PKNOX2: variants seen among roughly 807,000 people sequenced by gnomAD.
PKNOX2 encodes homeobox protein PKNOX2.
A neutral mutation model predicts 53.1 loss-of-function variants in PKNOX2; 14 were observed. The observed-to-expected ratio is 0.26, with a 90% CI of 0.17 to 0.41. The LOEUF (loss-of-function observed/expected upper bound fraction) is 0.41, where lower values mean the gene tolerates loss of function less well. Among genes scored for constraint, PKNOX2 ranks in the 10% least tolerant of loss-of-function variants. The pLI, the probability that PKNOX2 is intolerant of heterozygous loss-of-function variation, is 1.00. For synonymous variants in PKNOX2, 257 were observed against 242.8 expected (o/e 1.06, Z -0.54); for missense variants, 496 against 602.8 (o/e 0.82, Z 1.85).
intron 2 of PKNOX2, among the ~76,000 whole-genome samples, chr11:125,255,452 C>CT (rs1389617801): frequency 6.6e-6 from 1 of 152,178 alleles, no homozygotes; most frequent in Admixed American, 6.5e-5. Flanking sequence ...TTGACCCTGG[C>CT]TCTTATGGGA....
rs1470796291 is a variant in PKNOX2, at chr11:125,419,884, A to T, written c.936+8019A>T. 1.0e-3 allele frequency among the ~76,000 whole-genome samples: 127 copies of T among 122,858 alleles called. 4 individuals carry two copies. Among genetic ancestry groups the T allele is most frequent in the African/African-American group, 3.7e-3 (111 of 30,356 alleles). The allele number at this position is 122,858 out of a possible 152,430, so 80.6% of individuals were successfully genotyped here. ...CATCTGTTTAAAAAAAGAAAAAATT[A>T]AAAAAAAAAAAAAAAAGGCCGAGTG... On this transcript the variant is annotated intron_variant, in intron 10 of 12. Coordinates refer to ENST00000298282, the MANE Select transcript of PKNOX2 (RefSeq NM_001382323.2).
chr11:125,258,209 C>T (rs1944560932), intron 2 of PKNOX2, among the ~76,000 whole-genome samples: 1 of 152,156 alleles, frequency 6.6e-6, no homozygotes, highest in Non-Finnish European at 1.5e-5. Context: ...CTTCCTGTCA[C>T]CCTGTCCCCT....
chr11:125,291,410 T>A (rs1001069582), intron 2 of PKNOX2, among the ~76,000 whole-genome samples: 1 of 152,066 alleles, frequency 6.6e-6, no homozygotes, highest in Admixed American at 6.5e-5. Flanking sequence ...CTATGTGAGC[T>A]CCCAGGACCA....
At chr11:125,277,043 GA>G (rs1289985249) in intron 2 of PKNOX2, among the ~76,000 whole-genome samples, 1 of 152,114 alleles carries the variant, frequency 6.6e-6, no homozygotes, top group East Asian at 1.9e-4. Context: ...AACGGATCAT[GA>G]AAAAAATGTT....
Position 125,431,699 on chromosome 11 carries a change from AC to A in PKNOX2, c.*310del. ...CACCAAATCCCTGAGGATAGATGGC[AC>A]CCATGGCCCCCACCCACGGAAGGAC... is the stretch of plus-strand genomic sequence containing the variant. On this transcript the variant is annotated 3_prime_UTR_variant, in exon 13 of 13. Transcript: ENST00000298282. 1 of 375,208 alleles carries A rather than the reference AC, an allele frequency of 2.7e-6. No homozygotes were observed. Among genetic ancestry groups the A allele is most frequent in the East Asian group, 4.9e-5 (1 of 20,514 alleles). The allele number at this position is 375,208 out of a possible 1,614,324, so 23.2% of individuals were successfully genotyped here.
chr11:125,172,724 C>T (rs1955420972), intron 1 of PKNOX2, among the ~76,000 whole-genome samples: 1 of 152,132 alleles, frequency 6.6e-6, no homozygotes, highest in Admixed American at 6.5e-5. Context: ...GGCTTTGTGG[C>T]TAGGCAATCA....
intron 3 of PKNOX2, among the ~76,000 whole-genome samples, chr11:125,343,825 C>T (rs1009323180): frequency 3.9e-5 from 6 of 152,032 alleles, no homozygotes; most frequent in African/African-American, 1.4e-4. Context: ...TCTGACTCTC[C>T]TGCTCCGTGT....
intron 2 of PKNOX2, among the ~76,000 whole-genome samples, chr11:125,248,837 C>A (rs1032832048): frequency 6.9e-6 from 1 of 144,724 alleles, no homozygotes; most frequent in Admixed American, 7.0e-5. Context: ...CTCAAGTGAT[C>A]CTCCATCCAT....
chr11:125,304,710 C>G (rs1245301921), intron 2 of PKNOX2, among the ~76,000 whole-genome samples: 1 of 152,230 alleles, frequency 6.6e-6, no homozygotes, highest in Non-Finnish European at 1.5e-5. Context: ...ATCCAGGGGT[C>G]TGCACAGGAT....
chr11:125,189,437 GTGTGTGTGTGTATATATATATATAT>G (rs1956699447), intron 1 of PKNOX2, among the ~76,000 whole-genome samples: 1 of 57,258 alleles, frequency 1.7e-5, no homozygotes, highest in African/African-American at 7.0e-5. Flanking sequence ...GTGTGTGTGT[GTGTGTGTGTGTATATATATATATAT>G]ATATATATAT....
At chr11:125,183,695 A>T (rs1456388908) in intron 1 of PKNOX2, among the ~76,000 whole-genome samples, 1 of 151,940 alleles carries the variant, frequency 6.6e-6, no homozygotes, top group Non-Finnish European at 1.5e-5. Flanking sequence ...AACTAAGAAG[A>T]TAAACACCAT....
chr11:125,414,931 A>T (rs762898614), intron 10 of PKNOX2, among the ~76,000 whole-genome samples: 3 of 152,190 alleles, frequency 2.0e-5, no homozygotes, highest in Non-Finnish European at 2.9e-5. Context: ...TATTAATCAG[A>T]GGTAGATAGC....
chr11:125,382,609 T>A (rs1052441441), intron 5 of PKNOX2, among the ~76,000 whole-genome samples: 1 of 152,168 alleles, frequency 6.6e-6, no homozygotes, highest in Non-Finnish European at 1.5e-5. Context: ...CCGTCTGGAA[T>A]TTGCCTTTCA....
At chr11:125,243,707 C>T (rs1479236786) in intron 2 of PKNOX2, among the ~76,000 whole-genome samples, 1 of 151,908 alleles carries the variant, frequency 6.6e-6, no homozygotes, top group Non-Finnish European at 1.5e-5. Context: ...ACTGCAAGCT[C>T]CGCCTCTTTG....
intron 7 of PKNOX2, among the ~76,000 whole-genome samples, chr11:125,406,504 A>G (rs4369420): frequency 0.41 from 61,769 of 152,056 alleles, 12,807 homozygotes; most frequent in Middle Eastern, 0.5. Flanking sequence ...TCCCAACTGT[A>G]CGACTCCCTA....
intron 11 of PKNOX2, 66 bp from the exon 12 acceptor site, chr11:125,429,897 T>C: frequency 6.6e-7 from 1 of 1,507,744 alleles, no homozygotes; most frequent in Non-Finnish European, 8.9e-7. Context: ...AGCTTCACCC[T>C]CCCTGCCCCC....
chr11:125,193,191 C>T (rs564620887), intron 1 of PKNOX2, among the ~76,000 whole-genome samples: 7 of 152,276 alleles, frequency 4.6e-5, no homozygotes, highest in African/African-American at 1.7e-4. Context: ...CTTACAAGAC[C>T]AGTTTTAGAA....
rs1306813848 is a variant in PKNOX2 at position 125,187,897 on chromosome 11, T to C, written c.-201+23121T>C. ...TACCCAACAAATGGGTTTCTCCTGA[T>C]GGAGAATCATATTTGGAGTCTTGCT... On this transcript the variant is annotated intron_variant, in intron 1 of 12. Transcript: ENST00000298282. 2.0e-5 allele frequency among the ~76,000 whole-genome samples: 3 copies of C among 152,360 alleles called. No homozygotes were observed. In the East Asian group the frequency reaches 5.8e-4, roughly 29 times the overall value.
chr11:125,206,045 G>A lies in PKNOX2; in HGVS notation c.-200-29000G>A, dbSNP rs113655495. Among the ~76,000 whole-genome samples the A allele has an allele frequency of 5.9e-3, 892 of 152,080 alleles. 14 individuals are homozygous for A. The highest frequency in any genetic ancestry group is 0.021 in the African/African-American group (867 of 41,488). ...TGATCTGGGATCTGAAATGACCGGGGCCTTGGTTGGGCTGGGATGGAGCTC... is the reference window on the plus strand; with the variant it reads ...TGATCTGGGATCTGAAATGACCGGGACCTTGGTTGGGCTGGGATGGAGCTC... On this transcript the variant is annotated intron_variant, in intron 1 of 12. Transcript: ENST00000298282.
Sources: allele counts gnomAD v4.1 joint callset (sites outside exome capture counted in the v4.1 genomes callset), GRCh38; gene constraint gnomAD v4.1.1; transcripts MANE v1.5; gene names NCBI Gene and HGNC (gene_info 2026-07-23, HGNC 2026-07-21).